Variants in GID4 observed in about 807,000 individuals in gnomAD.
GID4 encodes the protein glucose-induced degradation protein 4 homolog.
GID4 carries 7 observed loss-of-function variants against 32.4 expected under a neutral mutation model. The observed-to-expected ratio is 0.22, with a 90% confidence interval of 0.12 to 0.41. The LOEUF (loss-of-function observed/expected upper bound fraction) is 0.41, where lower values mean the gene tolerates loss of function less well. GID4 is among the 10% of genes least tolerant of loss of function. The probability of loss-of-function intolerance (pLI) is 1.00; values close to 1 mark genes in which losing one functional copy is unlikely to be tolerated. For missense variants in GID4, 309 were observed against 400.0 expected (o/e 0.77, Z 1.94); for synonymous variants, 166 against 170.0 (o/e 0.98, Z 0.18).
rs367829483 is a variant in GID4 at position 18,046,573 on chromosome 17, A to G, written c.498+1367A>G. Among the ~76,000 whole-genome samples the G allele has an allele frequency of 4.0e-5, 6 of 151,716 alleles. No individual in the cohort carries two copies. The East Asian group carries it at 9.7e-4, about 24-fold the overall frequency. On this transcript the variant is annotated intron_variant, in intron 2 of 5. Transcript: ENST00000268719. Reference sequence around the variant, plus strand: ...CAATGTGCTGTGATCATGCCTGTGAATAGCCACTGCACTCCAGCCTGGGCA... The same window carrying G: ...CAATGTGCTGTGATCATGCCTGTGAGTAGCCACTGCACTCCAGCCTGGGCA...
intron 3 of GID4, chr17:18,056,815 GC>G (rs1429132136): frequency 6.4e-7 from 1 of 1,550,626 alleles, no homozygotes; most frequent in Non-Finnish European, 8.7e-7. Context: ...GTGTGGTTGA[GC>G]CAGGGAGCTG....
intron 2 of GID4, among the ~76,000 whole-genome samples, chr17:18,052,665 G>T (rs1167955486): frequency 6.6e-6 from 1 of 152,094 alleles, no homozygotes; most frequent in East Asian, 1.9e-4. Flanking sequence ...ACTTTTTACG[G>T]TGTTAACTTT....
chr17:18,046,231 G>T (rs2044851497), intron 2 of GID4, among the ~76,000 whole-genome samples: 1 of 152,186 alleles, frequency 6.6e-6, no homozygotes, highest in Non-Finnish European at 1.5e-5. Context: ...AGCTGGGGTG[G>T]CATTCTTCTT....
intron 2 of GID4, among the ~76,000 whole-genome samples, chr17:18,051,134 A>C (rs948841389): frequency 6.6e-6 from 1 of 152,198 alleles, no homozygotes; most frequent in African/African-American, 2.4e-5. Context: ...GATTTAAACC[A>C]TAAGTGTTTT....
At chr17:18,057,015 ATT>A in intron 3 of GID4, 1 of 1,546,600 alleles carries the variant, frequency 6.5e-7, no homozygotes, top group Non-Finnish European at 8.7e-7. Context: ...TCATTTTTTC[ATT>A]ATAAACTAGA....
chr17:18,056,736 C>T, intron 3 of GID4: 1 of 1,550,574 alleles, frequency 6.4e-7, no homozygotes, highest in Non-Finnish European at 8.7e-7. Flanking sequence ...GCAGACTCTG[C>T]TAGACTGGAC....
chr17:18,049,670 G>A (rs1200784179), intron 2 of GID4, among the ~76,000 whole-genome samples: 2 of 151,104 alleles, frequency 1.3e-5, no homozygotes, highest in Non-Finnish European at 2.9e-5. Context: ...ATGAAGTCTC[G>A]CTCTGTTGCC....
intron 2 of GID4, among the ~76,000 whole-genome samples, chr17:18,053,009 C>CTTTTT (rs71155312): frequency 1.6e-4 from 13 of 83,280 alleles, no homozygotes; most frequent in East Asian, 7.8e-4. Flanking sequence ...AAAGTATTTA[C>CTTTTT]TTTTTTTTTT....
intron 2 of GID4, among the ~76,000 whole-genome samples, 180 bp from the exon 3 acceptor site, chr17:18,053,947 G>A (rs2145563738): frequency 6.6e-6 from 1 of 152,312 alleles, no homozygotes; most frequent in Non-Finnish European, 1.5e-5. Context: ...GGGTGATTTA[G>A]ATTCAGGTCC....
At chr17:18,042,737 C>T (rs2145546896) in intron 1 of GID4, among the ~76,000 whole-genome samples, 1 of 152,292 alleles carries the variant, frequency 6.6e-6, no homozygotes, top group East Asian at 1.9e-4. Flanking sequence ...ACTGGCCCTG[C>T]ATTGTTTTAC....
intron 2 of GID4, among the ~76,000 whole-genome samples, chr17:18,051,775 TAA>T (rs1023764439): frequency 3.3e-5 from 5 of 150,470 alleles, no homozygotes; most frequent in African/African-American, 1.2e-4. Context: ...AGATTATAAT[TAA>T]AAGTTAGTTT....
At chr17:18,041,154 A>T (rs898220356) in intron 1 of GID4, among the ~76,000 whole-genome samples, 2 of 151,732 alleles carry the variant, frequency 1.3e-5, no homozygotes, top group African/African-American at 4.8e-5. Context: ...AAGCCCCTCC[A>T]AACACCTGTC....
At position 18,067,968 on chromosome 17, in the gene GID4, A is replaced by G. The variant is rs2045082609; in HGVS notation, c.*2725A>G. ...TGCTGTCCCAAAGTAACAAAACAAT[A>G]CCTACTGTTAAGTAGGAAGTCAATC... On this transcript the variant is annotated 3_prime_UTR_variant, in exon 6 of 6. Coordinates refer to ENST00000268719, the MANE Select transcript of GID4 (RefSeq NM_024052.5). 6.6e-6 allele frequency: 1 copy of G among 152,548 alleles called. No homozygotes were observed. The highest frequency in any genetic ancestry group is 6.5e-5 in the Admixed American group (1 of 15,270). The allele number at this position is 152,548 out of a possible 1,614,324, so 9.4% of individuals were successfully genotyped here.
chr17:18,058,773 T>G, intron 3 of GID4, 95 bp from the exon 4 acceptor site: 2 of 770,974 alleles, frequency 2.6e-6, no homozygotes, highest in Non-Finnish European at 4.5e-6. Context: ...CTGTCATGCC[T>G]TGGGAAGGTG....
chr17:18,066,983 A>G lies in GID4; in HGVS notation c.*1740A>G, dbSNP rs1176984206. 2 of 152,232 alleles carry G rather than the reference A, an allele frequency of 1.3e-5. No homozygotes were observed. Among genetic ancestry groups the G allele is most frequent in the Non-Finnish European group, 2.9e-5 (2 of 68,064 alleles). 9.4% of individuals were successfully genotyped at this position (152,232 alleles called of 1,614,324 possible). A position where few individuals can be genotyped will look rare whatever the true frequency, so the allele number is the denominator to read the frequency against. On this transcript the variant is annotated 3_prime_UTR_variant, in exon 6 of 6. Coordinates refer to ENST00000268719, the MANE Select transcript of GID4 (RefSeq NM_024052.5). ...GCCCGATGACTTAAAGGGAAAAATA[A>G]TTCATTCCCAGAGATGAGTCAGAAC... is the stretch of plus-strand genomic sequence containing the variant.
rs2045074363 is a variant in GID4 at position 18,067,343 on chromosome 17, T to C, written c.*2100T>C. On this transcript the variant is annotated 3_prime_UTR_variant, in exon 6 of 6. Coordinates refer to ENST00000268719, the MANE Select transcript of GID4 (RefSeq NM_024052.5). The stretch of plus-strand genomic sequence containing the variant: ...CATGCTGTGGCTCCGAGTAGTGGTT[T>C]GAGTGGGCAGGAAGGGCCATTTGCA... 6.6e-6 allele frequency: 1 copy of C among 152,244 alleles called. No homozygotes were observed. Among genetic ancestry groups the C allele is most frequent in the South Asian group, 2.1e-4 (1 of 4,830 alleles). 9.4% of individuals were successfully genotyped at this position (152,244 alleles called of 1,614,324 possible).
chr17:18,045,135 C>CT lies in GID4; in HGVS notation c.439-9dup. The stretch of plus-strand genomic sequence containing the variant: ...ATCTATTTGTGACAGGCTGTGTATC[C>CT]TTTCTTTTCAGCACGTGGACACGGG... On this transcript the variant is annotated splice_polypyrimidine_tract_variant and intron_variant, in intron 1 of 5. Coordinates refer to ENST00000268719, the MANE Select transcript of GID4 (RefSeq NM_024052.5). 1.9e-6 allele frequency: 3 copies of CT among 1,609,046 alleles called. No homozygotes were observed. Among genetic ancestry groups the CT allele is most frequent in the Non-Finnish European group, 2.6e-6 (3 of 1,175,512 alleles).
At chr17:18,040,856 G>GT (rs2044792502) in intron 1 of GID4, among the ~76,000 whole-genome samples, 1 of 152,142 alleles carries the variant, frequency 6.6e-6, no homozygotes, top group African/African-American at 2.4e-5. Flanking sequence ...TTCATGTCCA[G>GT]TCGCCTCCCC....
At chr17:18,043,016 C>G in intron 1 of GID4, among the ~76,000 whole-genome samples, 1 of 152,278 alleles carries the variant, frequency 6.6e-6, no homozygotes, top group East Asian at 1.9e-4. Context: ...CTCTCCACCC[C>G]GCACTTACTG....
Sources: allele counts gnomAD v4.1 joint callset (sites outside exome capture counted in the v4.1 genomes callset), GRCh38; gene constraint gnomAD v4.1.1; transcripts MANE v1.5; gene names NCBI Gene and HGNC (gene_info 2026-07-23, HGNC 2026-07-21).